PLCG2: variants seen among roughly 807,000 people sequenced by gnomAD.
PLCG2 encodes phospholipase C gamma 2, also known as 1-phosphatidylinositol 4,5-bisphosphate phosphodiesterase gamma-2.
A neutral mutation model predicts 175.6 loss-of-function variants in PLCG2; 69 were observed. That is an observed-to-expected ratio of 0.39 (90% CI 0.32 to 0.48). PLCG2 has a LOEUF of 0.48. Among genes scored for constraint, PLCG2 ranks in the 20% least tolerant of loss-of-function variants. The probability of loss-of-function intolerance (pLI) is 0.91; values close to 1 mark genes in which losing one functional copy is unlikely to be tolerated. For synonymous variants in PLCG2, 827 were observed against 624.0 expected, an observed-to-expected ratio of 1.33 and a Z score of -4.85; for missense variants, 1,798 against 1,650.9, an observed-to-expected ratio of 1.09 and a Z score of -1.54.
At chr16:81,822,720 C>T (rs567358116) in intron 2 of PLCG2, among the ~76,000 whole-genome samples, 3 of 139,314 alleles carry the variant, frequency 2.2e-5, no homozygotes, top group South Asian at 2.3e-4. Flanking sequence ...GAGTTCATGC[C>T]GCTGCACTCC....
intron 8 of PLCG2, among the ~76,000 whole-genome samples, chr16:81,882,576 C>T (rs557065100): frequency 3.9e-5 from 6 of 152,142 alleles, no homozygotes; most frequent in African/African-American, 1.4e-4. Flanking sequence ...ACTCACATCC[C>T]TGTGTTCCCC....
intron 12 of PLCG2, among the ~76,000 whole-genome samples, chr16:81,895,152 A>G (rs1400690645): frequency 6.6e-6 from 1 of 152,234 alleles, no homozygotes; most frequent in Non-Finnish European, 1.5e-5. Context: ...ATTACTGTGA[A>G]CCTTTACAAA....
intron 1 of PLCG2, among the ~76,000 whole-genome samples, chr16:81,782,417 A>G (rs1910779377): frequency 6.6e-6 from 1 of 152,218 alleles, no homozygotes; most frequent in Non-Finnish European, 1.5e-5. Context: ...AACCAAAAAA[A>G]GCAGAAGCAA....
intron 5 of PLCG2, among the ~76,000 whole-genome samples, chr16:81,867,697 C>T (rs556485640): frequency 6.6e-6 from 1 of 151,820 alleles, no homozygotes; most frequent in Non-Finnish European, 1.5e-5. Context: ...GCTTCCCTCC[C>T]TTTTCTTTTT....
chr16:81,788,494 A>G (rs1238892752), intron 2 of PLCG2, among the ~76,000 whole-genome samples: 1 of 152,104 alleles, frequency 6.6e-6, no homozygotes, highest in East Asian at 1.9e-4. Flanking sequence ...GTTAGGCAGG[A>G]TGGGGGTATG....
chr16:81,914,113 G>A (rs893746844), intron 19 of PLCG2, among the ~76,000 whole-genome samples: 1 of 152,222 alleles, frequency 6.6e-6, no homozygotes, highest in African/African-American at 2.4e-5. Context: ...GCTGCACACG[G>A]ATTGAAAACC....
chr16:81,819,616 G>C (rs538823853), intron 2 of PLCG2, among the ~76,000 whole-genome samples: 2 of 152,086 alleles, frequency 1.3e-5, no homozygotes, highest in Admixed American at 1.3e-4. Flanking sequence ...ACCAAGCTTC[G>C]CTCTTTCGCC....
chr16:81,928,505 C>A lies in PLCG2; in HGVS notation c.2515-53C>A, dbSNP rs571773034. 3.4e-6 allele frequency: 4 copies of A among 1,183,222 alleles called. No homozygotes were observed. In the Admixed American group the frequency reaches 5.1e-5, roughly 15 times the overall value. 73.3% of individuals were successfully genotyped at this position (1,183,222 alleles called of 1,614,324 possible). ...ACGGTGTGCTTTGGAAACGGGTTTT[C>A]TTTTTATTATTCCCGTTACAACTAA... On this transcript the variant is annotated intron_variant, in intron 23 of 32. Coordinates refer to ENST00000564138, the MANE Select transcript of PLCG2 (RefSeq NM_002661.5).
At chr16:81,922,700 T>G (rs1472847881) in intron 21 of PLCG2, among the ~76,000 whole-genome samples, 1 of 152,238 alleles carries the variant, frequency 6.6e-6, no homozygotes, top group Non-Finnish European at 1.5e-5. Context: ...GTGAAATTCC[T>G]GTTCCCATTT....
chr16:81,800,872 A>G (rs1260067348), intron 2 of PLCG2, among the ~76,000 whole-genome samples: 3 of 152,104 alleles, frequency 2.0e-5, no homozygotes, highest in Admixed American at 2.0e-4. Context: ...TGAAATCACA[A>G]AGGTCCTTGC....
Position 81,779,319 on chromosome 16 carries a change from C to G in PLCG2, c.-153C>G, listed in dbSNP as rs1164543533. ...AGTAGCGAGCGCCGGCGGCGGAGGGCGTGAGCGGCGCTGAGTGACCCGAGT... is the reference window on the plus strand; with the variant it reads ...AGTAGCGAGCGCCGGCGGCGGAGGGGGTGAGCGGCGCTGAGTGACCCGAGT... On this transcript the variant is annotated 5_prime_UTR_variant, in exon 1 of 33. Transcript: ENST00000564138. The G allele has an allele frequency of 6.6e-6, 1 of 150,612 alleles. No homozygotes were observed. Among genetic ancestry groups the G allele is most frequent in the Admixed American group, 6.6e-5 (1 of 15,124 alleles). 9.3% of individuals were successfully genotyped at this position (150,612 alleles called of 1,614,324 possible). A position where few individuals can be genotyped will look rare whatever the true frequency, so the allele number is the denominator to read the frequency against.
At chr16:81,856,550 A>C (rs1906691921) in intron 3 of PLCG2, among the ~76,000 whole-genome samples, 1 of 152,212 alleles carries the variant, frequency 6.6e-6, no homozygotes, top group African/African-American at 2.4e-5. Context: ...GATTAGAAGC[A>C]GGGGAGATAC....
chr16:81,947,342 C>T (rs1461071286), intron 31 of PLCG2, among the ~76,000 whole-genome samples: 1 of 152,184 alleles, frequency 6.6e-6, no homozygotes, highest in East Asian at 1.9e-4. Flanking sequence ...TTTAGTTCAG[C>T]TGCTAGGTCT....
chr16:81,931,035 C>T (rs142709966), intron 24 of PLCG2, among the ~76,000 whole-genome samples: 44 of 152,176 alleles, frequency 2.9e-4, no homozygotes, highest in African/African-American at 9.6e-4. Flanking sequence ...TTGATCAAGA[C>T]GAACACATGT....
intron 24 of PLCG2, among the ~76,000 whole-genome samples, chr16:81,929,236 A>G (rs1367397125): frequency 6.6e-6 from 1 of 152,142 alleles, no homozygotes. Context: ...GGTGTGGTGC[A>G]GCTCCCATGT....
intron 7 of PLCG2, among the ~76,000 whole-genome samples, chr16:81,877,778 C>T (rs1291363098): frequency 3.4e-5 from 5 of 148,158 alleles, no homozygotes; most frequent in Non-Finnish European, 6.0e-5. Context: ...GTCATTGCAT[C>T]GCTCCTTGGC....
chr16:81,875,185 A>G (rs935717965), intron 7 of PLCG2, among the ~76,000 whole-genome samples: 4 of 151,900 alleles, frequency 2.6e-5, no homozygotes, highest in African/African-American at 9.7e-5. Flanking sequence ...GCTAGTCTCG[A>G]ACTCCTGACC....
intron 22 of PLCG2, among the ~76,000 whole-genome samples, chr16:81,926,524 A>G (rs189515421): frequency 6.5e-4 from 99 of 152,348 alleles, no homozygotes; most frequent in African/African-American, 2.3e-3. Flanking sequence ...CTGAATAATA[A>G]TAAGAGCTAA....
chr16:81,790,730 T>C (rs1325882201), intron 2 of PLCG2, among the ~76,000 whole-genome samples: 2 of 152,184 alleles, frequency 1.3e-5, no homozygotes, highest in African/African-American at 4.8e-5. Flanking sequence ...TCCTACTGTC[T>C]AAAGCAGCGT....
Sources: allele counts gnomAD v4.1 joint callset (sites outside exome capture counted in the v4.1 genomes callset), GRCh38; gene constraint gnomAD v4.1.1; transcripts MANE v1.5; gene names NCBI Gene and HGNC (gene_info 2026-07-23, HGNC 2026-07-21).